Variants in CDH18 observed in about 807,000 individuals in gnomAD.
CDH18 encodes the protein cadherin 18.
CDH18 carries 31 observed loss-of-function variants against 67.9 expected under a neutral mutation model. The ratio of observed to expected loss-of-function variants is 0.46; its 90% CI spans 0.34 to 0.62. CDH18 has a LOEUF of 0.62. Ranked by LOEUF, CDH18 falls within the 20% of genes least tolerant of loss-of-function variation. The pLI is 0.01. For missense variants in CDH18, 890 were observed against 975.5 expected (o/e 0.91, Z 1.17); for synonymous variants, 362 against 347.2 (o/e 1.04, Z -0.48).
At chr5:19,530,897 C>A (rs963180127) in intron 9 of CDH18, among the ~76,000 whole-genome samples, 1 of 152,164 alleles carries the variant, frequency 6.6e-6, no homozygotes, top group Admixed American at 6.5e-5. Flanking sequence ...TATACCCTTG[C>A]GCTTCTCGAG....
chr5:20,524,285 T>C (rs1755914299), intron 1 of CDH18, among the ~76,000 whole-genome samples: 1 of 152,194 alleles, frequency 6.6e-6, no homozygotes, highest in Admixed American at 6.5e-5. Flanking sequence ...TAATTAGTTT[T>C]CTTAGATTCA....
At chr5:19,851,152 G>A (rs546464254) in intron 2 of CDH18, among the ~76,000 whole-genome samples, 4 of 151,728 alleles carry the variant, frequency 2.6e-5, no homozygotes, top group East Asian at 3.9e-4. Flanking sequence ...CCATTTACAC[G>A]GGGAATTTGC....
At chr5:19,669,479 C>T (rs952011137) in intron 5 of CDH18, among the ~76,000 whole-genome samples, 7 of 151,616 alleles carry the variant, frequency 4.6e-5, no homozygotes, top group Non-Finnish European at 7.4e-5. Flanking sequence ...TTAGCAGAGA[C>T]GGGGTTTCTC....
chr5:19,500,089 G>A (rs1407712522), intron 11 of CDH18, among the ~76,000 whole-genome samples: 1 of 147,236 alleles, frequency 6.8e-6, no homozygotes, highest in South Asian at 2.1e-4. Flanking sequence ...TTTTTTTAAT[G>A]TTCTGTGGGC....
At chr5:19,579,381 G>A (rs558243057) in intron 7 of CDH18, among the ~76,000 whole-genome samples, 61 of 151,680 alleles carry the variant, frequency 4.0e-4, no homozygotes, top group African/African-American at 1.4e-3. Context: ...TCCTTTTTAT[G>A]TATGTGGATT....
At chr5:19,678,166 A>AAT (rs1399291245) in intron 5 of CDH18, among the ~76,000 whole-genome samples, 1 of 151,760 alleles carries the variant, frequency 6.6e-6, no homozygotes, top group Admixed American at 6.6e-5. Context: ...AAAACCACAG[A>AAT]ATATATATTC....
intron 7 of CDH18, among the ~76,000 whole-genome samples, chr5:19,580,623 A>T (rs2149981581): frequency 6.6e-6 from 1 of 152,036 alleles, no homozygotes; most frequent in African/African-American, 2.4e-5. Flanking sequence ...CCTATGCCCT[A>T]AACAATTAAC....
intron 1 of CDH18, among the ~76,000 whole-genome samples, chr5:20,291,581 T>C (rs1747105949): frequency 6.6e-6 from 1 of 152,144 alleles, no homozygotes; most frequent in Admixed American, 6.5e-5. Context: ...GGAAGTCACT[T>C]GGCTGTATAG....
intron 5 of CDH18, among the ~76,000 whole-genome samples, chr5:19,714,220 C>A (rs1202021186): frequency 3.3e-5 from 5 of 152,068 alleles, no homozygotes; most frequent in South Asian, 4.1e-4. Context: ...TCCTAAAATA[C>A]CTCAGTGGCC....
intron 2 of CDH18, among the ~76,000 whole-genome samples, chr5:20,062,140 A>AATAATTATTATTATT (rs1554085580): frequency 1.5e-4 from 21 of 137,930 alleles, no homozygotes; most frequent in Non-Finnish European, 2.6e-4. Context: ...TTAAGCCCAG[A>AATAATTATTATTATT]ATTATTATTA....
chr5:20,542,904 GT>G (rs1323473986), intron 1 of CDH18, among the ~76,000 whole-genome samples: 1 of 151,520 alleles, frequency 6.6e-6, no homozygotes, highest in Non-Finnish European at 1.5e-5. Flanking sequence ...AGTTTTTATT[GT>G]TTTATTTTAA....
At chr5:19,786,804 A>T (rs1012090972) in intron 3 of CDH18, among the ~76,000 whole-genome samples, 1 of 152,112 alleles carries the variant, frequency 6.6e-6, no homozygotes. Flanking sequence ...TAGTTCTTCT[A>T]ATTTACACAA....
intron 2 of CDH18, among the ~76,000 whole-genome samples, chr5:19,976,955 A>C (rs779601776): frequency 2.2e-4 from 34 of 152,170 alleles, no homozygotes; most frequent in Non-Finnish European, 2.9e-5. Flanking sequence ...AAGCTGAATA[A>C]AATTAATGTT....
chr5:19,737,747 A>G (rs6880707), intron 4 of CDH18, among the ~76,000 whole-genome samples: 146,534 of 152,272 alleles, frequency 0.96, 70,745 homozygotes, highest in Middle Eastern at 1. Flanking sequence ...TAATTTCAGC[A>G]TTTGCTTAAA....
At chr5:19,851,945 A>G (rs1425040742) in intron 2 of CDH18, among the ~76,000 whole-genome samples, 2 of 152,068 alleles carry the variant, frequency 1.3e-5, no homozygotes, top group Non-Finnish European at 2.9e-5. Flanking sequence ...AAATGTATGT[A>G]TAGAATGTGT....
intron 2 of CDH18, among the ~76,000 whole-genome samples, chr5:19,900,065 G>A (rs867965411): frequency 1.6e-4 from 24 of 152,126 alleles, no homozygotes; most frequent in South Asian, 6.2e-4. Flanking sequence ...AAAAATTTGT[G>A]GTAAGGGTAG....
At chr5:20,039,379 A>T in intron 2 of CDH18, among the ~76,000 whole-genome samples, 1 of 152,194 alleles carries the variant, frequency 6.6e-6, no homozygotes, top group East Asian at 1.9e-4. Flanking sequence ...AAAAGAGCCC[A>T]TGTAGTCAAC....
rs149096584 is a variant in CDH18 at position 19,971,577 on chromosome 5, C to T, written c.-257+9483G>A. On this transcript the variant is annotated intron_variant, in intron 2 of 12. Transcript: ENST00000382275. ...AACATACTATGAAACATAAAACATACCATGAAACCTACTATATGAAAGCCA... is the reference window on the plus strand; with the variant it reads ...AACATACTATGAAACATAAAACATATCATGAAACCTACTATATGAAAGCCA... Among the ~76,000 whole-genome samples the T allele has an allele frequency of 8.3e-4, 126 of 152,012 alleles. No homozygotes were observed. The Middle Eastern group carries it at 0.017, about 21-fold the overall frequency.
Position 19,590,932 on chromosome 5 carries a change from C to G in CDH18, c.999+125G>C, listed in dbSNP as rs183485423. The G allele has an allele frequency of 1.3e-3, 702 of 550,680 alleles. 1 individual carries two copies. Among genetic ancestry groups the G allele is most frequent in the Non-Finnish European group, 1.7e-3 (541 of 310,702 alleles). The allele number at this position is 550,680 out of a possible 1,614,324, so 34.1% of individuals were successfully genotyped here. On this transcript the variant is annotated intron_variant, in intron 7 of 12. Coordinates refer to ENST00000382275, the MANE Select transcript of CDH18 (RefSeq NM_004934.5). Reference sequence around the variant, plus strand: ...AACAACAATTAAAATGTAATTATATCGCAAAGTGACAATATTTTATCATTT... The same window carrying G: ...AACAACAATTAAAATGTAATTATATGGCAAAGTGACAATATTTTATCATTT...
Sources: gnomAD v4.1 joint callset for allele counts (sites outside exome capture counted in the v4.1 genomes callset) on GRCh38, gnomAD v4.1.1 for gene constraint, MANE v1.5 for transcripts, NCBI Gene and HGNC (gene_info 2026-07-23, HGNC 2026-07-21) for gene names.